CDIN1: variants seen among roughly 807,000 people sequenced by gnomAD.
CDIN1 encodes the protein CDAN1-interacting nuclease 1.
Under a neutral mutation model 45.3 loss-of-function variants are expected in CDIN1, and 33 were observed. That is an observed-to-expected ratio of 0.73 (90% CI 0.55 to 0.97). CDIN1 has a LOEUF of 0.97. Among genes scored for constraint, CDIN1 ranks in the 50% least tolerant of loss-of-function variants. The pLI is 0.00. For missense variants in CDIN1, 303 were observed against 339.4 expected (o/e 0.89, Z 0.84); for synonymous variants, 118 against 124.4 (o/e 0.95, Z 0.34).
At chr15:36,635,348 T>C (rs2140366014) in intron 1 of CDIN1, among the ~76,000 whole-genome samples, 1 of 152,344 alleles carries the variant, frequency 6.6e-6, no homozygotes, top group Non-Finnish European at 1.5e-5. Context: ...TTGAACAACA[T>C]GGGTTTGAAC....
At chr15:36,637,225 C>T (rs2039936024) in intron 1 of CDIN1, among the ~76,000 whole-genome samples, 1 of 152,140 alleles carries the variant, frequency 6.6e-6, no homozygotes, top group Non-Finnish European at 1.5e-5. Context: ...GTGATCCCCT[C>T]CTTAACACAC....
intron 10 of CDIN1, among the ~76,000 whole-genome samples, chr15:36,781,718 T>C (rs2141055562): frequency 1.3e-5 from 2 of 152,352 alleles, no homozygotes; most frequent in East Asian, 3.9e-4. Context: ...CCAGGAGCCA[T>C]GATGCCGCAG....
At position 36,680,171 on chromosome 15, in the gene CDIN1, T is replaced by C. The variant is rs1430744736; in HGVS notation, c.347-11514T>C. On this transcript the variant is annotated intron_variant, in intron 5 of 10. Transcript: ENST00000566621. ...AGCCACCAATGACCATTCTCCCTTTTCCCTGGCTTCCCAGATGCCATAACA... is the reference window on the plus strand; with the variant it reads ...AGCCACCAATGACCATTCTCCCTTTCCCCTGGCTTCCCAGATGCCATAACA... 2.0e-5 allele frequency among the ~76,000 whole-genome samples: 3 copies of C among 152,166 alleles called. No individual in the cohort carries two copies. The East Asian group carries it at 5.8e-4, about 29-fold the overall frequency.
At chr15:36,763,238 G>C (rs574342679) in intron 10 of CDIN1, among the ~76,000 whole-genome samples, 3 of 152,136 alleles carry the variant, frequency 2.0e-5, no homozygotes, top group Admixed American at 6.5e-5. Flanking sequence ...TTTCTCTGAT[G>C]GCCAGGGATG....
Position 36,687,850 on chromosome 15 carries a change from A to G in CDIN1, c.347-3835A>G, listed in dbSNP as rs79079251. Among the ~76,000 whole-genome samples the G allele has an allele frequency of 2.7e-3, 413 of 152,318 alleles. 2 individuals are homozygous for G. Among genetic ancestry groups the G allele is most frequent in the African/African-American group, 9.1e-3 (377 of 41,576 alleles). ...AAACATTAACAAAAATTGATCACAT[A>G]TAAAAACACAAGGAAAGTGAAACAA... On this transcript the variant is annotated intron_variant, in intron 5 of 10. Coordinates refer to ENST00000566621, the MANE Select transcript of CDIN1 (RefSeq NM_001321759.2).
chr15:36,679,444 G>T (rs1595460630), intron 5 of CDIN1, among the ~76,000 whole-genome samples: 1 of 152,122 alleles, frequency 6.6e-6, no homozygotes, highest in African/African-American at 2.4e-5. Flanking sequence ...GATACTGAGA[G>T]GTGTCAACAT....
intron 1 of CDIN1, among the ~76,000 whole-genome samples, chr15:36,611,651 A>C (rs974519953): frequency 1.3e-5 from 2 of 152,218 alleles, no homozygotes; most frequent in Admixed American, 1.3e-4. Context: ...GAATAGGAGA[A>C]AGAAAGTTTG....
At chr15:36,731,062 C>T (rs2043816756) in intron 10 of CDIN1, among the ~76,000 whole-genome samples, 1 of 151,998 alleles carries the variant, frequency 6.6e-6, no homozygotes, top group African/African-American at 2.4e-5. Context: ...ACAATGATGC[C>T]AGTGAGCTTC....
chr15:36,800,905 G>GTATATATATATATATATA (rs1437486563), intron 10 of CDIN1, among the ~76,000 whole-genome samples: 4 of 22,098 alleles, frequency 1.8e-4, no homozygotes, highest in African/African-American at 3.6e-4. Context: ...GTGTGTGTGT[G>GTATATATATATATATATA]TGTGTATATA....
intron 3 of CDIN1, among the ~76,000 whole-genome samples, chr15:36,646,521 CCTT>C (rs2040338808): frequency 6.6e-6 from 1 of 151,984 alleles, no homozygotes; most frequent in African/African-American, 2.4e-5. Flanking sequence ...AAAGTCATAA[CCTT>C]CTTGGTGAAA....
In CDIN1 at chr15:36,769,127, A is replaced by T. The variant is rs1234531385; in HGVS notation, c.717-39197A>T. 2.6e-5 allele frequency among the ~76,000 whole-genome samples: 4 copies of T among 152,356 alleles called. No individual in the cohort carries two copies. In the South Asian group the frequency reaches 8.3e-4, roughly 32 times the overall value. ...ACCCTAAAATATGTAGCTAACATTG[A>T]ATATGCCTTTGGTTAGCGCATTACA... On this transcript the variant is annotated intron_variant, in intron 10 of 10. Transcript: ENST00000566621.
intron 5 of CDIN1, among the ~76,000 whole-genome samples, chr15:36,672,564 T>C (rs946355265): frequency 6.6e-6 from 1 of 151,798 alleles, no homozygotes; most frequent in African/African-American, 2.4e-5. Context: ...GCAAACATGC[T>C]GAACACCTGT....
At chr15:36,784,121 T>G (rs2141063007) in intron 10 of CDIN1, among the ~76,000 whole-genome samples, 1 of 152,298 alleles carries the variant, frequency 6.6e-6, no homozygotes, top group Middle Eastern at 3.4e-3. Flanking sequence ...AGGCTGAAAA[T>G]ATGCATTTTT....
At chr15:36,788,525 T>TA (rs1391418000) in intron 10 of CDIN1, among the ~76,000 whole-genome samples, 7 of 151,960 alleles carry the variant, frequency 4.6e-5, no homozygotes, top group African/African-American at 7.3e-5. Context: ...TGACCAAAAA[T>TA]AAAAAAACCC....
intron 10 of CDIN1, among the ~76,000 whole-genome samples, chr15:36,787,832 A>G (rs1416918286): frequency 2.0e-5 from 3 of 151,446 alleles, no homozygotes; most frequent in Non-Finnish European, 4.4e-5. Context: ...AAGACCAAAG[A>G]CTAGGTAATA....
chr15:36,733,792 CT>C (rs2140918079), intron 10 of CDIN1, among the ~76,000 whole-genome samples: 1 of 152,246 alleles, frequency 6.6e-6, no homozygotes, highest in South Asian at 2.1e-4. Context: ...CGCATATGAT[CT>C]TTCAATTGTT....
chr15:36,622,754 T>C (rs544102686), intron 1 of CDIN1, among the ~76,000 whole-genome samples: 1 of 152,320 alleles, frequency 6.6e-6, no homozygotes, highest in South Asian at 2.1e-4. Flanking sequence ...TGAGGTCAAG[T>C]AGCTCTAACA....
In CDIN1 at chr15:36,681,364, G is replaced by A. The variant is rs544670821; in HGVS notation, c.347-10321G>A. ...GAATTCTAGGGTGACTCTAAGGAAA[G>A]CATCCTTAATATGACACAAGGATGA... On this transcript the variant is annotated intron_variant, in intron 5 of 10. Transcript: ENST00000566621. Among the ~76,000 whole-genome samples the A allele has an allele frequency of 4.6e-5, 7 of 152,196 alleles. No homozygotes were observed. In the South Asian group the frequency reaches 1.5e-3, roughly 32 times the overall value.
At chr15:36,687,452 G>T (rs962560172) in intron 5 of CDIN1, among the ~76,000 whole-genome samples, 1 of 152,158 alleles carries the variant, frequency 6.6e-6, no homozygotes, top group African/African-American at 2.4e-5. Flanking sequence ...GAGGGAGGCA[G>T]ATCCTATCCA....
Sources: gnomAD v4.1 joint callset for allele counts (sites outside exome capture counted in the v4.1 genomes callset) on GRCh38, gnomAD v4.1.1 for gene constraint, MANE v1.5 for transcripts, NCBI Gene and HGNC (gene_info 2026-07-23, HGNC 2026-07-21) for gene names.